ARMH4: variants seen among roughly 807,000 people sequenced by gnomAD.
ARMH4 encodes the protein armadillo like helical domain containing 4.
Under a neutral mutation model 61.9 loss-of-function variants are expected in ARMH4, and 49 were observed. The observed-to-expected ratio is 0.79, with a 90% CI of 0.63 to 1.00. ARMH4 has a LOEUF of 1.00. ARMH4 is among the 50% of genes least tolerant of loss of function. ARMH4 has a pLI of 0.00. For synonymous variants in ARMH4, 368 were observed against 341.5 expected (o/e 1.08, Z -0.85); for missense variants, 934 against 930.0 (o/e 1.00, Z -0.06).
chr14:58,125,190 T>C (rs1432578039), intron 4 of ARMH4, among the ~76,000 whole-genome samples: 2 of 151,864 alleles, frequency 1.3e-5, no homozygotes, highest in Non-Finnish European at 2.9e-5. Context: ...TTTGAAATGC[T>C]TATAGAAGGA....
intron 3 of ARMH4, among the ~76,000 whole-genome samples, chr14:58,132,581 CTTTTTT>C (rs71448942): frequency 2.4e-4 from 21 of 86,074 alleles, no homozygotes; most frequent in Non-Finnish European, 3.7e-4. Context: ...ACCCTTGTCC[CTTTTTT>C]TTTTTTTTTT....
In ARMH4 at chr14:58,138,231, CGT is replaced by C. The variant is rs746781443; in HGVS notation, c.1126_1127del (p.Thr376GlyfsTer11). ...CATGCGCTATTAGCAGGGCTGTGCC[CGT>C]GTGTGTTTCCCCTTCAGGCAGCCCC... is the stretch of plus-strand genomic sequence containing the variant. ...ALGLPEGETH[T>X]GTALLIAHGN... On this transcript the variant is annotated frameshift_variant, in exon 2 of 8. Coordinates refer to ENST00000267485, the MANE Select transcript of ARMH4 (RefSeq NM_001001872.4). LOFTEE classifies it high-confidence loss of function. 67 of 1,614,188 alleles carry C rather than the reference CGT, an allele frequency of 4.2e-5. No individual in the cohort carries two copies. In the East Asian group the frequency reaches 1.1e-3, roughly 27 times the overall value.
chr14:58,086,980 G>GA (rs1273074427), intron 5 of ARMH4, among the ~76,000 whole-genome samples: 3 of 152,044 alleles, frequency 2.0e-5, no homozygotes, highest in Non-Finnish European at 4.4e-5. Flanking sequence ...GCAACAAAAA[G>GA]AAACAGGCAG....
intron 4 of ARMH4, among the ~76,000 whole-genome samples, chr14:58,121,836 C>G (rs1237021008): frequency 1.3e-5 from 2 of 152,198 alleles, no homozygotes; most frequent in South Asian, 2.1e-4. Flanking sequence ...GGAACCTCAT[C>G]CTTCCCTAAC....
chr14:58,070,128 AG>A (rs1475663620), intron 5 of ARMH4, among the ~76,000 whole-genome samples: 2 of 152,184 alleles, frequency 1.3e-5, no homozygotes, highest in African/African-American at 4.8e-5. Context: ...AGTGAAGCAG[AG>A]AAGAATTAGA....
At chr14:58,069,831 A>G (rs1439769089) in intron 5 of ARMH4, among the ~76,000 whole-genome samples, 1 of 152,228 alleles carries the variant, frequency 6.6e-6, no homozygotes, top group Admixed American at 6.5e-5. Flanking sequence ...AACCTGTTAT[A>G]ACACCCATTC....
intron 5 of ARMH4, among the ~76,000 whole-genome samples, chr14:58,022,704 G>C (rs1257970499): frequency 6.6e-6 from 1 of 152,126 alleles, no homozygotes; most frequent in African/African-American, 2.4e-5. Flanking sequence ...TCTACTTTTA[G>C]GGAGAGCTCA....
intron 4 of ARMH4, among the ~76,000 whole-genome samples, chr14:58,124,770 T>C (rs1006908021): frequency 6.6e-6 from 1 of 152,106 alleles, no homozygotes; most frequent in African/African-American, 2.4e-5. Context: ...AGTTCCTTTG[T>C]AGAAAAGGGA....
intron 1 of ARMH4, among the ~76,000 whole-genome samples, chr14:58,143,277 C>T (rs1887624605): frequency 6.6e-6 from 1 of 152,106 alleles, no homozygotes; most frequent in South Asian, 2.1e-4. Context: ...AAAGAAACAG[C>T]CTATCAGGGA....
chr14:58,032,697 A>AC (rs1281995670), intron 5 of ARMH4, among the ~76,000 whole-genome samples: 1 of 148,142 alleles, frequency 6.8e-6, no homozygotes, highest in Non-Finnish European at 1.5e-5. Context: ...GTGTGCGCGC[A>AC]CCGTGCGCGA....
intron 5 of ARMH4, among the ~76,000 whole-genome samples, chr14:58,088,289 C>A (rs1184012964): frequency 2.0e-5 from 3 of 152,072 alleles, no homozygotes; most frequent in Non-Finnish European, 4.4e-5. Flanking sequence ...AAGTAACCAA[C>A]AACTCAAATG....
At chr14:58,045,190 T>C (rs1258706541) in intron 5 of ARMH4, among the ~76,000 whole-genome samples, 7 of 152,160 alleles carry the variant, frequency 4.6e-5, no homozygotes, top group Non-Finnish European at 7.3e-5. Flanking sequence ...CTACTCACAA[T>C]AGCAAAGACC....
chr14:58,099,432 G>A (rs576361308), intron 4 of ARMH4, among the ~76,000 whole-genome samples: 29 of 152,134 alleles, frequency 1.9e-4, no homozygotes, highest in Non-Finnish European at 3.1e-4. Context: ...TGAAGAAAGC[G>A]TCTCCAAGGG....
At chr14:58,008,024 TGTGA>T (rs1882246780) in intron 6 of ARMH4, among the ~76,000 whole-genome samples, 2 of 152,192 alleles carry the variant, frequency 1.3e-5, no homozygotes, top group Admixed American at 6.5e-5. Flanking sequence ...AAGTGGATTC[TGTGA>T]GAGAGGAGAA....
intron 6 of ARMH4, among the ~76,000 whole-genome samples, chr14:58,010,280 T>C (rs985200679): frequency 6.6e-6 from 1 of 152,190 alleles, no homozygotes; most frequent in Non-Finnish European, 1.5e-5. Flanking sequence ...TCTATGTACA[T>C]GTATCTTCTC....
intron 3 of ARMH4, 111 bp downstream of exon 3, chr14:58,132,979 A>T: frequency 8.9e-7 from 1 of 1,124,316 alleles, no homozygotes. Flanking sequence ...GTGTACGTGC[A>T]CGCACGCGCG....
chr14:58,122,472 A>C (rs1886757787), intron 4 of ARMH4, among the ~76,000 whole-genome samples: 1 of 152,194 alleles, frequency 6.6e-6, no homozygotes, highest in African/African-American at 2.4e-5. Context: ...TTAAAGGATA[A>C]GTTTATCACC....
chr14:58,082,312 A>T (rs1011110605), intron 5 of ARMH4, among the ~76,000 whole-genome samples: 2 of 152,216 alleles, frequency 1.3e-5, no homozygotes, highest in African/African-American at 4.8e-5. Context: ...CCAGCGGCTC[A>T]CCTGCTCCTC....
intron 5 of ARMH4, among the ~76,000 whole-genome samples, chr14:58,039,676 G>A (rs79042261): frequency 1.3e-5 from 2 of 152,244 alleles, no homozygotes; most frequent in East Asian, 3.9e-4. Flanking sequence ...CACAAAAACT[G>A]TTTAAACAAT....
Sources: allele counts gnomAD v4.1 joint callset (sites outside exome capture counted in the v4.1 genomes callset), GRCh38; gene constraint gnomAD v4.1.1; transcripts MANE v1.5; gene names NCBI Gene and HGNC (gene_info 2026-07-23, HGNC 2026-07-21).